Variants in BRD4 observed in about 807,000 individuals in gnomAD.
The protein encoded by BRD4 is bromodomain containing 4.
BRD4 carries 16 observed loss-of-function variants against 142.1 expected under a neutral mutation model. The ratio of observed to expected loss-of-function variants is 0.11; its 90% confidence interval spans 0.08 to 0.17. The LOEUF (loss-of-function observed/expected upper bound fraction) is 0.17. Ranked by LOEUF, BRD4 falls within the 10% of genes least tolerant of loss-of-function variation. The pLI is 1.00. For missense variants in BRD4, 1,424 were observed against 1,810.9 expected (o/e 0.79, Z 3.88); for synonymous variants, 833 against 707.5 (o/e 1.18, Z -2.82).
intron 1 of BRD4, among the ~76,000 whole-genome samples, chr19:15,300,389 T>A (rs1599502441): frequency 1.4e-5 from 2 of 144,470 alleles, no homozygotes; most frequent in Non-Finnish European, 3.1e-5. Flanking sequence ...CTGTCTCCAC[T>A]AAAAAAAAAA....
chr19:15,256,275 A>G lies in BRD4; in HGVS notation c.1552-12T>C. ...TGCACGGCTTTGAGCTGTAGACCAGACAGGCAAGACACACACTCAGGGCTG... is the reference window on the plus strand; with the variant it reads ...TGCACGGCTTTGAGCTGTAGACCAGGCAGGCAAGACACACACTCAGGGCTG... On this transcript the variant is annotated splice_polypyrimidine_tract_variant and intron_variant, in intron 8 of 19. Transcript: ENST00000679869. The G allele has an allele frequency of 2.5e-6, 4 of 1,607,208 alleles. No homozygotes were observed. The highest frequency in any genetic ancestry group is 3.4e-6 in the Non-Finnish European group (4 of 1,178,518).
At chr19:15,244,883 G>GGCA in intron 11 of BRD4, 121 bp from the exon 12 acceptor site, 1 of 1,547,782 alleles carries the variant, frequency 6.5e-7, no homozygotes, top group Non-Finnish European at 8.7e-7. Flanking sequence ...CCTGAGAAAG[G>GGCA]GCAGCCGAGT....
Position 15,238,547 on chromosome 19 carries a change from G to A in BRD4, c.4021-102C>T, listed in dbSNP as rs3746203. 2.4e-3 allele frequency: 3,735 copies of A among 1,582,240 alleles called. 69 individuals are homozygous for A. The Admixed American group carries it at 0.039, about 17-fold the overall frequency. On this transcript the variant is annotated intron_variant, in intron 19 of 19. Transcript: ENST00000679869. The surrounding 1 kb of genome is among the most constrained non-coding windows in gnomAD (Gnocchi z 7.2). ...AGCAGTCAGCCCCGTAGCCCTCCCCGTGGCTGACCCCTCATAGCGCTCACC... is the reference window on the plus strand; with the variant it reads ...AGCAGTCAGCCCCGTAGCCCTCCCCATGGCTGACCCCTCATAGCGCTCACC...
chr19:15,256,976 C>A lies in BRD4; in HGVS notation c.1539G>T (p.Glu513Asp). ...SEEERAQRLAELQEQLKAVHE... is the reference protein window; with the variant it reads ...SEEERAQRLADLQEQLKAVHE... ...CCAATGCCCTCACCTGCTCCTGGAGCTCAGCCAGCCGCTGGGCTCGCTCCT... is the reference window on the plus strand; with the variant it reads ...CCAATGCCCTCACCTGCTCCTGGAGATCAGCCAGCCGCTGGGCTCGCTCCT... Residue 513 changes from glutamate (E) to aspartate (D), a missense_variant, in exon 8 of 20, where the codon GAG (glutamate) becomes GAT (aspartate). By Grantham distance (45) the Glu-to-Asp change is conservative. Around this residue, in one of 16 missense-constraint regions of BRD4, gnomAD observed 90 missense variants for 93.2 expected, o/e 0.97. Coordinates refer to ENST00000679869, the MANE Select transcript of BRD4 (RefSeq NM_001379291.1). 1 of 1,573,494 alleles carries A rather than the reference C, an allele frequency of 6.4e-7. No homozygotes were observed. The highest frequency in any genetic ancestry group is 8.6e-7 in the Non-Finnish European group (1 of 1,160,424).
At position 15,279,033 on chromosome 19, in the gene BRD4, G is replaced by C. The variant is rs374777253; in HGVS notation, c.-34-5900C>G. ...ATTTTGTATTTTTAGTAGAGATGGG[G>C]TTTCTCCATGTTGGTCAGGCTGGTC... On this transcript the variant is annotated intron_variant, in intron 1 of 19. Transcript: ENST00000679869. Among the ~76,000 whole-genome samples the C allele has an allele frequency of 1.6e-4, 24 of 152,088 alleles. No homozygotes were observed. In the East Asian group the frequency reaches 2.1e-3, roughly 13 times the overall value.
At chr19:15,260,010 C>A (rs974808549) in intron 7 of BRD4, among the ~76,000 whole-genome samples, 2 of 152,184 alleles carry the variant, frequency 1.3e-5, no homozygotes, top group Non-Finnish European at 2.9e-5. Flanking sequence ...CAGGGAACAC[C>A]GAGTGCAGGC....
At chr19:15,255,816 C>T (rs546319570) in intron 9 of BRD4, among the ~76,000 whole-genome samples, 1 of 152,348 alleles carries the variant, frequency 6.6e-6, no homozygotes, top group East Asian at 1.9e-4. Context: ...GCACTACAGC[C>T]CCATCCTTGC....
intron 1 of BRD4, among the ~76,000 whole-genome samples, chr19:15,285,461 A>T (rs756615146): frequency 6.6e-6 from 1 of 152,156 alleles, no homozygotes; most frequent in Non-Finnish European, 1.5e-5. Flanking sequence ...GCTACTTGGG[A>T]GGCCAAGGAG....
At chr19:15,321,262 A>G (rs36051435) in intron 1 of BRD4, among the ~76,000 whole-genome samples, 3 of 151,720 alleles carry the variant, frequency 2.0e-5, no homozygotes, top group Non-Finnish European at 4.4e-5. Context: ...AGGAAAGAAA[A>G]CAAAGAAAAA....
At chr19:15,281,760 A>G (rs2047706200) in intron 1 of BRD4, among the ~76,000 whole-genome samples, 1 of 152,192 alleles carries the variant, frequency 6.6e-6, no homozygotes, top group African/African-American at 2.4e-5. Flanking sequence ...GCTTACGTCT[A>G]TAATCTCAAC....
At position 15,257,176 on chromosome 19, in the gene BRD4, G is replaced by A. The variant is rs896119440; in HGVS notation, c.1342-3C>T. On this transcript the variant is annotated splice_region_variant and splice_polypyrimidine_tract_variant and intron_variant, in intron 7 of 19. Transcript: ENST00000679869. ...GCAAAGCGCATTTCGAACACATCCTGGTGAGGGAAAGACATGCTGTGACGG... is the reference window on the plus strand; with the variant it reads ...GCAAAGCGCATTTCGAACACATCCTAGTGAGGGAAAGACATGCTGTGACGG... 10 of 1,600,888 alleles carry A rather than the reference G, an allele frequency of 6.2e-6. No homozygotes were observed. In the Admixed American group the frequency reaches 1.0e-4, roughly 16 times the overall value.
chr19:15,264,936 C>G (rs571792844), intron 5 of BRD4, among the ~76,000 whole-genome samples, 170 bp from the exon 6 acceptor site: 2 of 152,302 alleles, frequency 1.3e-5, no homozygotes, highest in East Asian at 3.9e-4. Flanking sequence ...TCGTGTCCCA[C>G]CACTCTGCTC....
intron 1 of BRD4, among the ~76,000 whole-genome samples, chr19:15,298,106 A>G (rs1382150591): frequency 1.3e-5 from 2 of 152,248 alleles, no homozygotes; most frequent in Non-Finnish European, 2.9e-5. Context: ...CTGCCTCTGC[A>G]GGCCCAATGA....
chr19:15,250,443 T>C (rs189735235), intron 11 of BRD4, among the ~76,000 whole-genome samples: 7 of 152,342 alleles, frequency 4.6e-5, no homozygotes, highest in African/African-American at 9.6e-5. Context: ...GAACGCCCCA[T>C]GGCCTCTGTC....
chr19:15,245,873 G>A (rs2047281331), intron 11 of BRD4, among the ~76,000 whole-genome samples: 1 of 152,220 alleles, frequency 6.6e-6, no homozygotes, highest in Non-Finnish European at 1.5e-5. Context: ...GCTGGTGTTG[G>A]AGGACACATG....
chr19:15,239,154 G>C lies in BRD4; in HGVS notation c.3687C>G (p.Arg1229=). The C allele has an allele frequency of 6.2e-7, 1 of 1,612,538 alleles. No homozygotes were observed. The highest frequency in any genetic ancestry group is 8.5e-7 in the Non-Finnish European group (1 of 1,179,954). The change falls in exon 18 of 20, where the codon CGC becomes CGG. Residue 1229 remains arginine, a synonymous_variant. Coordinates refer to ENST00000679869, the MANE Select transcript of BRD4 (RefSeq NM_001379291.1). The surrounding 1 kb of genome is among the most constrained non-coding windows in gnomAD (Gnocchi z 7.4). ...CACGCTCCTCTTTCTCCCGAGCGGCGCGGCGGAACTGCTCGAAGCTGTCGC... is the reference window on the plus strand; with the variant it reads ...CACGCTCCTCTTTCTCCCGAGCGGCCCGGCGGAACTGCTCGAAGCTGTCGC... The part of the protein sequence containing the change: ...SSSDSFEQFR[R]AAREKEEREK...
intron 1 of BRD4, among the ~76,000 whole-genome samples, chr19:15,292,812 A>AAAAGAAAG (rs1555743198): frequency 2.8e-5 from 4 of 142,976 alleles, no homozygotes; most frequent in Non-Finnish European, 4.6e-5. Flanking sequence ...AAAAAAAAAA[A>AAAAGAAAG]AAAGAAAGAA....
chr19:15,301,576 A>T (rs981151980), intron 1 of BRD4, among the ~76,000 whole-genome samples: 2 of 143,172 alleles, frequency 1.4e-5, no homozygotes, highest in African/African-American at 5.3e-5. Flanking sequence ...ACAAAAAAAA[A>T]AAAGGCTGGG....
At chr19:15,288,462 T>G (rs149823965) in intron 1 of BRD4, among the ~76,000 whole-genome samples, 1 of 152,196 alleles carries the variant, frequency 6.6e-6, no homozygotes, top group Non-Finnish European at 1.5e-5. Context: ...GTTATAAACT[T>G]GGACAATCAC....
Sources: allele counts gnomAD v4.1 joint callset (sites outside exome capture counted in the v4.1 genomes callset), GRCh38; gene constraint gnomAD v4.1.1; regional missense constraint gnomAD v4.1.1; non-coding constraint Gnocchi (gnomAD v3.1); transcripts MANE v1.5; gene names NCBI Gene and HGNC (gene_info 2026-07-23, HGNC 2026-07-21).